Variants in PHF6 observed in about 807,000 individuals in gnomAD.
PHF6 encodes PHD finger protein 6.
A neutral mutation model predicts 34.0 loss-of-function variants in PHF6; 7 were observed. That is an observed-to-expected ratio of 0.21 (90% CI 0.12 to 0.39). The LOEUF is 0.39. Among genes scored for constraint, PHF6 ranks in the 10% least tolerant of loss-of-function variants. PHF6 has a pLI of 1.00. For synonymous variants in PHF6, 89 were observed against 88.4 expected (o/e 1.01, Z -0.04); for missense variants, 128 against 262.8 (o/e 0.49, Z 3.55).
intron 5 of PHF6, among the ~76,000 whole-genome samples, chrX:134,409,178 C>T (rs748498638): frequency 8.9e-6 from 1 of 111,783 alleles, no homozygotes; most frequent in Non-Finnish European, 1.9e-5. Context: ...TCATAGTTTA[C>T]TTTACAATTA....
chrX:134,427,881 G>A lies in PHF6; in HGVS notation c.*2221G>A, dbSNP rs985062376. On this transcript the variant is annotated 3_prime_UTR_variant, in exon 11 of 11. Transcript: ENST00000370803. ...AATGTAAAAATTGTACAGTACTTAT[G>A]TTCCCAAGTAGCATCATCATCTTCT... is the stretch of plus-strand genomic sequence containing the variant. 6.4e-6 allele frequency: 1 copy of A among 157,060 alleles called. No individual in the cohort carries two copies. The highest frequency in any genetic ancestry group is 3.3e-4 in the South Asian group (1 of 3,029). 12.9% of individuals were successfully genotyped at this position (157,060 alleles called of 1,213,427 possible). A position where few individuals can be genotyped will look rare whatever the true frequency, so the allele number is the denominator to read the frequency against.
chrX:134,412,925 C>T (rs951165743), intron 5 of PHF6, among the ~76,000 whole-genome samples: 5 of 111,533 alleles, frequency 4.5e-5, no homozygotes, highest in Non-Finnish European at 9.4e-5. Flanking sequence ...TTTTCATGAT[C>T]GTTTGAAGAG....
chrX:134,394,425 C>T (rs1030999675), intron 5 of PHF6, among the ~76,000 whole-genome samples: 1 of 111,009 alleles, frequency 9.0e-6, no homozygotes, highest in African/African-American at 3.3e-5. Context: ...AGCCATCGTG[C>T]CCGACCAAGA....
chrX:134,425,215 A>C lies in PHF6; in HGVS notation c.983A>C (p.Asn328Thr). 8.3e-7 allele frequency: 1 copy of C among 1,210,706 alleles called. No homozygotes were observed. The highest frequency in any genetic ancestry group is 1.1e-6 in the Non-Finnish European group (1 of 894,597). ...CATCATTGTAGACTATACTGTAAAA[A>C]TCATAGTGGAAATGATGAGAGAGAT... ...SRGIYKLYCK[N>T]HSGNDERDEE... Residue 328 changes from asparagine to threonine, a missense_variant, in exon 10 of 11, where the codon AAT becomes ACT. Coordinates refer to ENST00000370803, the MANE Select transcript of PHF6 (RefSeq NM_001015877.2).
rs6638230 is a variant in PHF6, at chrX:134,427,212, G to A, written c.*1552G>A. 0.3 allele frequency: 48,166 copies of A among 162,021 alleles called. 6,319 individuals carry two copies. Among genetic ancestry groups the A allele is most frequent in the East Asian group, 0.61 (6,762 of 11,004 alleles). The allele number at this position is 162,021 out of a possible 1,213,427, so 13.4% of individuals were successfully genotyped here. ...ACTAGCTTTAGTAGTGGGTTGCCCT[G>A]TATGTTTTCTCTTTTTGCTCTTAAT... is the stretch of plus-strand genomic sequence containing the variant. On this transcript the variant is annotated 3_prime_UTR_variant, in exon 11 of 11. Coordinates refer to ENST00000370803, the MANE Select transcript of PHF6 (RefSeq NM_001015877.2).
At chrX:134,424,025 G>A (rs1290696799) in intron 9 of PHF6, among the ~76,000 whole-genome samples, 3 of 108,791 alleles carry the variant, frequency 2.8e-5, no homozygotes, top group East Asian at 2.9e-4. Flanking sequence ...ATGAGTTAAC[G>A]GGTGCAGCAC....
chrX:134,415,174 A>G, intron 8 of PHF6, 54 bp downstream of exon 8: 1 of 1,208,641 alleles, frequency 8.3e-7, no homozygotes, highest in Non-Finnish European at 1.1e-6. Flanking sequence ...GCTGCTTTAA[A>G]TTTAGAGTAC....
chrX:134,423,977 G>A (rs1311918606), intron 9 of PHF6, among the ~76,000 whole-genome samples: 1 of 109,838 alleles, frequency 9.1e-6, no homozygotes, highest in Non-Finnish European at 1.9e-5. Flanking sequence ...GGGGGGACGG[G>A]GGAGGGATAG....
chrX:134,404,190 A>G (rs2077413771), intron 5 of PHF6, among the ~76,000 whole-genome samples: 1 of 112,635 alleles, frequency 8.9e-6, no homozygotes, highest in Non-Finnish European at 1.9e-5. Flanking sequence ...TCTGGATGCC[A>G]TTGAGAACAT....
At chrX:134,381,581 G>A (rs555694585) in intron 3 of PHF6, among the ~76,000 whole-genome samples, 4 of 106,856 alleles carry the variant, frequency 3.7e-5, no homozygotes, top group Non-Finnish European at 7.7e-5. Flanking sequence ...TGCAACCTCC[G>A]CCTCCTAGGT....
chrX:134,421,919 TTTTGTTTG>T (rs200939197), intron 9 of PHF6, among the ~76,000 whole-genome samples: 14 of 109,884 alleles, frequency 1.3e-4, no homozygotes, highest in Admixed American at 5.9e-4. Flanking sequence ...ACATCTTGTT[TTTTGTTTG>T]TTTGTTTGTT....
At chrX:134,374,294 C>T (rs1256653507) in intron 1 of PHF6, among the ~76,000 whole-genome samples, 1 of 111,892 alleles carries the variant, frequency 8.9e-6, no homozygotes, top group African/African-American at 3.3e-5. Context: ...GCCTTACTAC[C>T]TAATGTCAGG....
At chrX:134,381,901 A>G (rs1402171434) in intron 3 of PHF6, among the ~76,000 whole-genome samples, 9 of 111,565 alleles carry the variant, frequency 8.1e-5, no homozygotes, top group African/African-American at 2.9e-4. Context: ...AAAATCATCG[A>G]AAACTGGAGT....
intron 3 of PHF6, among the ~76,000 whole-genome samples, chrX:134,380,370 G>A (rs779367014): frequency 1.8e-5 from 2 of 110,500 alleles, no homozygotes; most frequent in African/African-American, 6.6e-5. Flanking sequence ...TCCTGACCTC[G>A]TGACCTACCT....
intron 5 of PHF6, among the ~76,000 whole-genome samples, chrX:134,396,572 G>T (rs928237437): frequency 9.0e-6 from 1 of 111,267 alleles, no homozygotes; most frequent in African/African-American, 3.3e-5. Context: ...TTTGGGATTC[G>T]ATGTGTACGT....
At position 134,398,215 on chromosome X, in the gene PHF6, A is replaced by T. The variant is rs1248658369; in HGVS notation, c.418+4263A>T. On this transcript the variant is annotated intron_variant, in intron 5 of 10. Transcript: ENST00000370803. ...TAAGACCAGCCTGGACAACATAGCG[A>T]GACCCTCTCTCTACAAAAATTTTAA... Among the ~76,000 whole-genome samples the T allele has an allele frequency of 2.7e-5, 3 of 111,818 alleles. No individual in the cohort carries two copies. The East Asian group carries it at 8.4e-4, about 31-fold the overall frequency.
intron 5 of PHF6, among the ~76,000 whole-genome samples, chrX:134,410,757 C>T (rs2077446975): frequency 1.9e-5 from 2 of 106,902 alleles, no homozygotes; most frequent in Non-Finnish European, 3.8e-5. Context: ...AAGTGATTCT[C>T]CTGCCTCAGC....
chrX:134,381,106 C>T, intron 3 of PHF6, among the ~76,000 whole-genome samples: 1 of 111,348 alleles, frequency 9.0e-6, no homozygotes, highest in South Asian at 3.8e-4. Context: ...GTCTGTCCGC[C>T]TCGGCCTCCC....
Position 134,406,114 on chromosome X carries a change from T to TTTC in PHF6, c.419-7375_419-7374insCTT, listed in dbSNP as rs1556017671. ...TCTTTCTTTCTTTCTTTCTTTCTTT[T>TTTC]TTTTTTTACTCTGACAAACATTTAT... On this transcript the variant is annotated intron_variant, in intron 5 of 10. Transcript: ENST00000370803. Among the ~76,000 whole-genome samples the TTTC allele has an allele frequency of 1.1e-3, 48 of 42,425 alleles. No individual in the cohort carries two copies. The East Asian group carries it at 0.015, about 13-fold the overall frequency. The allele number at this position is 42,425 out of a possible 115,157, so 36.8% of individuals were successfully genotyped here.
Sources: allele counts gnomAD v4.1 joint callset (sites outside exome capture counted in the v4.1 genomes callset), GRCh38; gene constraint gnomAD v4.1.1; transcripts MANE v1.5; gene names NCBI Gene and HGNC (gene_info 2026-07-23, HGNC 2026-07-21).